The following GANAB variants were observed in gnomAD, a reference collection of about 807,000 sequenced individuals.
The protein encoded by GANAB is neutral alpha-glucosidase AB.
GANAB carries 35 observed loss-of-function variants against 129.9 expected under a neutral mutation model. That is an observed-to-expected ratio of 0.27 (90% confidence interval 0.21 to 0.36). GANAB has a LOEUF of 0.36. Ranked by LOEUF, GANAB falls within the 10% of genes least tolerant of loss-of-function variation. The pLI is 1.00. For synonymous variants in GANAB, 482 were observed against 451.8 expected (o/e 1.07, Z -0.85); for missense variants, 939 against 1,221.0 (o/e 0.77, Z 3.44).
chr11:62,635,912 G>A (rs1019962593), intron 4 of GANAB, among the ~76,000 whole-genome samples: 4 of 152,094 alleles, frequency 2.6e-5, no homozygotes, highest in African/African-American at 9.7e-5. Context: ...TTACAGGCAT[G>A]AGCTACCACG....
At position 62,626,371 on chromosome 11, in the gene GANAB, C is replaced by A. The variant is rs146501208; in HGVS notation, c.2588G>T (p.Arg863Leu). 1.9e-6 allele frequency: 3 copies of A among 1,613,000 alleles called. No homozygotes were observed. The East Asian group carries it at 6.7e-5, about 36-fold the overall frequency. The change falls in exon 22 of 24, where the codon CGT becomes CTT. Residue 863 changes from arginine (R) to leucine (L), a missense_variant. Around this residue, in one of 5 missense-constraint regions of GANAB, gnomAD observed 230 missense variants for 259.9 expected, o/e 0.89. Transcript: ENST00000356638. The stretch of plus-strand genomic sequence containing the variant: ...GGTGTTGCCAGAGAATGAGAATCGA[C>A]GCAGCAGGAACTCTTGGCGAGTCTG... The part of the protein sequence containing the change: ...NYQTRQEFLL[R>L]RFSFSGNTLV...
intron 22 of GANAB, 34 bp from the exon 23 acceptor site, chr11:62,626,199 G>C (rs753140462): frequency 6.7e-7 from 1 of 1,487,998 alleles, no homozygotes; most frequent in Admixed American, 1.7e-5. Context: ...CCATCAGGGG[G>C]AAAAATAACA....
rs1044201524 is a variant in GANAB, at chr11:62,625,584, G to A, written c.*231C>T. ...CTCCAGTTAGAGCAACAGGATGTTGGGGGAATGAAGGGAAAGAGTTGGTAT... is the reference window on the plus strand; with the variant it reads ...CTCCAGTTAGAGCAACAGGATGTTGAGGGAATGAAGGGAAAGAGTTGGTAT... On this transcript the variant is annotated 3_prime_UTR_variant, in exon 24 of 24. Transcript: ENST00000356638. 21 of 558,164 alleles carry A rather than the reference G, an allele frequency of 3.8e-5. No individual in the cohort carries two copies. The highest frequency in any genetic ancestry group is 6.1e-5 in the Non-Finnish European group (19 of 310,040). 34.6% of individuals were successfully genotyped at this position (558,164 alleles called of 1,614,324 possible). A position where few individuals can be genotyped will look rare whatever the true frequency, so the allele number is the denominator to read the frequency against.
intron 17 of GANAB, among the ~76,000 whole-genome samples, chr11:62,628,268 A>T (rs36104523): frequency 0.63 from 91,792 of 145,156 alleles, 29,510 homozygotes; most frequent in East Asian, 0.93. Flanking sequence ...CCAGGCTAGA[A>T]TGCAGCAGAG....
chr11:62,636,471 G>A (rs992311008), intron 4 of GANAB, among the ~76,000 whole-genome samples: 2 of 151,610 alleles, frequency 1.3e-5, no homozygotes, highest in Admixed American at 1.3e-4. Flanking sequence ...CTCATAACCC[G>A]ATCTCAAAAT....
chr11:62,637,048 T>C (rs1420933607), intron 4 of GANAB, among the ~76,000 whole-genome samples: 5 of 151,982 alleles, frequency 3.3e-5, no homozygotes, highest in African/African-American at 1.2e-4. Flanking sequence ...AAATTAGGAA[T>C]TTCTGTTTAT....
At chr11:62,633,873 T>G (rs1590808437) in intron 5 of GANAB, 1 of 415,916 alleles carries the variant, frequency 2.4e-6, no homozygotes, top group African/African-American at 2.0e-5. Context: ...GTGCTCTCCC[T>G]GGGCCTCAGC....
intron 1 of GANAB, among the ~76,000 whole-genome samples, chr11:62,642,160 G>C (rs1944300364): frequency 6.6e-6 from 1 of 152,086 alleles, no homozygotes; most frequent in South Asian, 2.1e-4. Flanking sequence ...ACACTGAGCA[G>C]ATCATGCCAT....
intron 9 of GANAB, 96 bp from the exon 10 acceptor site, chr11:62,631,279 G>C (rs1943666021): frequency 5.8e-6 from 7 of 1,201,884 alleles, no homozygotes; most frequent in African/African-American, 1.5e-5. Context: ...AGTCCACACA[G>C]AGCTGGCTCA....
rs1217251199 is a variant in GANAB at position 62,629,883 on chromosome 11, C to T, written c.1668G>A (p.Met556Ile). 1 of 1,614,078 alleles carries T rather than the reference C, an allele frequency of 6.2e-7. No homozygotes were observed. Among genetic ancestry groups the T allele is most frequent in the East Asian group, 2.2e-5 (1 of 44,884 alleles). ...PSVFNGPEVT[M>I]LKDAQHYGGW... is the part of the protein sequence containing the mutation. ...CCCCATAATGCTGGGCATCCTTGAG[C>T]ATGGTGACCTCAGGACCATTGAACA... The change falls in exon 14 of 24, where the codon ATG (methionine) becomes ATA (isoleucine). Residue 556 changes from methionine (M) to isoleucine (I), a missense_variant. Around this residue, in one of 5 missense-constraint regions of GANAB, gnomAD observed 147 missense variants for 282.4 expected, o/e 0.52. Coordinates refer to ENST00000356638, the MANE Select transcript of GANAB (RefSeq NM_198334.3).
At chr11:62,632,043 C>T (rs980145081) in intron 9 of GANAB, among the ~76,000 whole-genome samples, 3 of 151,760 alleles carry the variant, frequency 2.0e-5, no homozygotes, top group African/African-American at 7.3e-5. Context: ...GTGAAATCTC[C>T]GCTCACTGCA....
chr11:62,635,141 A>G (rs930925391), intron 4 of GANAB, 141 bp from the exon 5 acceptor site: 2 of 543,880 alleles, frequency 3.7e-6, no homozygotes, highest in Non-Finnish European at 6.6e-6. Context: ...GTTAATAAAC[A>G]GAACCAAAGG....
At chr11:62,626,300 C>G in intron 22 of GANAB, 35 bp downstream of exon 22, 1 of 1,467,672 alleles carries the variant, frequency 6.8e-7, no homozygotes, top group South Asian at 1.1e-5. Context: ...CAGGCCCCAG[C>G]AAAGGCAGCC....
At chr11:62,631,502 T>C (rs1943678939) in intron 9 of GANAB, among the ~76,000 whole-genome samples, 1 of 151,534 alleles carries the variant, frequency 6.6e-6, no homozygotes, top group South Asian at 2.1e-4. Context: ...CTCACTCTTT[T>C]GCCAGGCTGG....
rs973986393 is a variant in GANAB, at chr11:62,639,861, C to T, written c.39-130G>A. The T allele has an allele frequency of 9.1e-6, 6 of 657,026 alleles. No homozygotes were observed. The Admixed American group carries it at 1.6e-4, about 17-fold the overall frequency. 40.7% of individuals were successfully genotyped at this position (657,026 alleles called of 1,614,324 possible). On this transcript the variant is annotated intron_variant, in intron 1 of 23. Coordinates refer to ENST00000356638, the MANE Select transcript of GANAB (RefSeq NM_198334.3). ...GAAAGAGGGGAGAAAGATGTAGTCA[C>T]ATCAAATACAAAACAAGGCAGAGTG...
At chr11:62,639,195 T>C in intron 3 of GANAB, 85 bp from the exon 4 acceptor site, 1 of 1,513,056 alleles carries the variant, frequency 6.6e-7, no homozygotes, top group Non-Finnish European at 9.1e-7. Flanking sequence ...CCTAAGGGGT[T>C]TCTTCCTTTG....
intron 1 of GANAB, among the ~76,000 whole-genome samples, chr11:62,642,909 G>A (rs1342129354): frequency 1.3e-5 from 2 of 152,162 alleles, no homozygotes; most frequent in East Asian, 3.9e-4. Flanking sequence ...GTTCACCCAA[G>A]ATTAAATAGC....
intron 5 of GANAB, 180 bp from the exon 6 acceptor site, chr11:62,633,694 G>A (rs1943801633): frequency 1.8e-5 from 11 of 615,272 alleles, no homozygotes; most frequent in Non-Finnish European, 3.2e-5. Flanking sequence ...TGCAAAGGAT[G>A]GGGAGAGAAA....
chr11:62,629,144 C>G, intron 16 of GANAB, 50 bp downstream of exon 16: 1 of 1,544,708 alleles, frequency 6.5e-7, no homozygotes, highest in Non-Finnish European at 9.0e-7. Flanking sequence ...GTGCCCTCTA[C>G]TTTGCCCCTT....
Sources: allele counts gnomAD v4.1 joint callset (sites outside exome capture counted in the v4.1 genomes callset), GRCh38; gene constraint gnomAD v4.1.1; regional missense constraint gnomAD v4.1.1; transcripts MANE v1.5; gene names NCBI Gene and HGNC (gene_info 2026-07-23, HGNC 2026-07-21).